The following FAT1 variants were observed in gnomAD, a reference collection of about 807,000 sequenced individuals.
FAT1 encodes protocadherin Fat 1.
Under a neutral mutation model 329.8 loss-of-function variants are expected in FAT1, and 171 were observed. The observed-to-expected ratio is 0.52, with a 90% confidence interval of 0.46 to 0.59. The LOEUF (loss-of-function observed/expected upper bound fraction) is 0.59. FAT1 is among the 20% of genes least tolerant of loss of function. The pLI is 0.00. For missense variants in FAT1, 5,672 were observed against 5,774.4 expected (o/e 0.98, Z 0.57); for synonymous variants, 2,233 against 2,228.6 (o/e 1.00, Z -0.06).
rs2126516000 is a variant in FAT1 at position 186,620,473 on chromosome 4, G to A, written c.6113C>T (p.Pro2038Leu). 3 of 1,613,950 alleles carry A rather than the reference G, an allele frequency of 1.9e-6. No homozygotes were observed. Among genetic ancestry groups the A allele is most frequent in the Non-Finnish European group, 2.5e-6 (3 of 1,179,892 alleles). Residue 2038 changes from proline to leucine, a missense_variant, in exon 10 of 27, where the codon CCC becomes CTC. Pro to Leu is a moderately conservative substitution (Grantham distance 98). Coordinates refer to ENST00000441802, the MANE Select transcript of FAT1 (RefSeq NM_005245.4). Reference sequence around the variant, plus strand: ...CGCCTCCTGCTGCTCACGATCGAAGGGCGTGCCAGTGGTTGACAGAACTCC... The same window carrying A: ...CGCCTCCTGCTGCTCACGATCGAAGAGCGTGCCAGTGGTTGACAGAACTCC... Reference protein sequence around the residue: ...TSGVLSTTGTPFDREQQEAFD... With the variant: ...TSGVLSTTGTLFDREQQEAFD...
intron 16 of FAT1, among the ~76,000 whole-genome samples, chr4:186,608,527 G>A (rs1037868048): frequency 1.3e-5 from 2 of 152,032 alleles, no homozygotes; most frequent in Non-Finnish European, 2.9e-5. Context: ...ACTATCGGAG[G>A]AGGCCACCAC....
intron 1 of FAT1, among the ~76,000 whole-genome samples, chr4:186,713,561 A>C (rs1745066673): frequency 6.6e-6 from 1 of 152,166 alleles, no homozygotes; most frequent in Non-Finnish European, 1.5e-5. Flanking sequence ...AAGTCACTGC[A>C]TGTAGCCCAT....
At chr4:186,673,661 C>T (rs911857866) in intron 2 of FAT1, among the ~76,000 whole-genome samples, 1 of 152,232 alleles carries the variant, frequency 6.6e-6, no homozygotes, top group African/African-American at 2.4e-5. Flanking sequence ...GCTGCAATAA[C>T]TTCAAAATTA....
At position 186,601,318 on chromosome 4, in the gene FAT1, G is replaced by C. The variant is rs749669933; in HGVS notation, c.11591C>G (p.Thr3864Arg). 1 of 1,611,782 alleles carries C rather than the reference G, an allele frequency of 6.2e-7. No individual in the cohort carries two copies. Among genetic ancestry groups the C allele is most frequent in the South Asian group, 1.1e-5 (1 of 90,916 alleles). Reference sequence around the variant, plus strand: ...TCGAGCATACATGACAACCGCATGCGTGGAATATGTTCTGAGCCTCATGGT... The same window carrying C: ...TCGAGCATACATGACAACCGCATGCCTGGAATATGTTCTGAGCCTCATGGT... The part of the protein sequence containing the change: ...KLTMRLRTYS[T>R]HAVVMYARGT... The change falls in exon 21 of 27, where the codon ACG (threonine) becomes AGG (arginine). Residue 3864 changes from threonine (T) to arginine (R), a missense_variant. Thr to Arg is a moderately conservative substitution (Grantham distance 71). Around this residue, in one of 2 missense-constraint regions of FAT1, gnomAD observed 1,706 missense variants for 1,859.1 expected, o/e 0.92. Transcript: ENST00000441802.
At chr4:186,607,862 T>C (rs2126453425) in intron 16 of FAT1, among the ~76,000 whole-genome samples, 1 of 152,206 alleles carries the variant, frequency 6.6e-6, no homozygotes, top group South Asian at 2.1e-4. Flanking sequence ...TTCATATTTA[T>C]CTCAATCCCT....
rs1204709588 is a variant in FAT1, at chr4:186,619,375, G to C, written c.7211C>G (p.Pro2404Arg). Reference sequence around the variant, plus strand: ...TACACAGGTCACGAAATGCCCATGAGGGGCGTGCTCGCTAATTCTGGCTTC... The same window carrying C: ...TACACAGGTCACGAAATGCCCATGACGGGCGTGCTCGCTAATTCTGGCTTC... The part of the protein sequence containing the change: ...IYEARISEHA[P>R]HGHFVTCVKA... The change falls in exon 10 of 27, where the codon CCT becomes CGT. Residue 2404 changes from proline (P) to arginine (R), a missense_variant. By Grantham distance (103) the Pro-to-Arg change is moderately radical. This residue lies in a region of FAT1 where 3,966 missense variants were observed against 3,915.2 expected (regional missense o/e 1.01). Transcript: ENST00000441802. 6.2e-7 allele frequency: 1 copy of C among 1,614,012 alleles called. No individual in the cohort carries two copies. Among genetic ancestry groups the C allele is most frequent in the Non-Finnish European group, 8.5e-7 (1 of 1,179,898 alleles).
intron 2 of FAT1, among the ~76,000 whole-genome samples, chr4:186,704,457 T>C (rs1744477127): frequency 6.6e-6 from 1 of 152,132 alleles, no homozygotes; most frequent in Non-Finnish European, 1.5e-5. Flanking sequence ...ATACTCTTCT[T>C]CACTTGAAAG....
rs2126525476 is a variant in FAT1 at position 186,621,460 on chromosome 4, G to A, written c.5126C>T (p.Ala1709Val). 6.2e-7 allele frequency: 1 copy of A among 1,614,012 alleles called. No homozygotes were observed. The highest frequency in any genetic ancestry group is 8.5e-7 in the Non-Finnish European group (1 of 1,179,882). The change falls in exon 10 of 27, where the codon GCT becomes GTT. Residue 1709 changes from alanine to valine, a missense_variant. Physicochemically the swap from Ala to Val is moderately conservative, Grantham distance 64 (BLOSUM62 0). Transcript: ENST00000441802. ...YEIKDGNTGD[A>V]FDINPHSGTI... ...TCCAGAATGTGGATTAATATCAAAA[G>A]CATCACCTGTATTTCCATCTTTTAT... is the stretch of plus-strand genomic sequence containing the variant.
intron 2 of FAT1, among the ~76,000 whole-genome samples, chr4:186,677,491 G>GTT (rs200804199): frequency 4.0e-4 from 58 of 146,558 alleles, no homozygotes; most frequent in African/African-American, 8.7e-4. Context: ...TAAATTCAGG[G>GTT]TTTTTTTTTT....
At chr4:186,714,012 G>T (rs942444830) in intron 1 of FAT1, among the ~76,000 whole-genome samples, 1 of 152,022 alleles carries the variant, frequency 6.6e-6, no homozygotes, top group Non-Finnish European at 1.5e-5. Context: ...CTCAAGATCC[G>T]TCTGGACTCA....
chr4:186,611,827 C>CT (rs753961493), intron 13 of FAT1, 52 bp from the exon 14 acceptor site: 131,097 of 1,112,978 alleles, frequency 0.12, 44 homozygotes, highest in Non-Finnish European at 0.12. Context: ...AAGTTTAACA[C>CT]TTTTTTTTTT....
chr4:186,631,856 C>T (rs1168492588), intron 7 of FAT1, among the ~76,000 whole-genome samples: 2 of 151,970 alleles, frequency 1.3e-5, no homozygotes, highest in Non-Finnish European at 2.9e-5. Flanking sequence ...GATTCCTGTG[C>T]TCTTCTCCAG....
chr4:186,591,605 G>C, intron 26 of FAT1, among the ~76,000 whole-genome samples: 1 of 152,304 alleles, frequency 6.6e-6, no homozygotes, highest in South Asian at 2.1e-4. Flanking sequence ...TTGAAATTCT[G>C]CTTCTATAAG....
chr4:186,594,191 C>G (rs62350414), intron 26 of FAT1, among the ~76,000 whole-genome samples: 37,110 of 151,804 alleles, frequency 0.24, 4,976 homozygotes, highest in South Asian at 0.47. Flanking sequence ...TCAGCCTCCC[C>G]AGTAGCTGGG....
Position 186,589,022 on chromosome 4 carries a change from T to C in FAT1, c.13337A>G (p.Asp4446Gly), listed in dbSNP as rs1442824243. 3 of 1,613,874 alleles carry C rather than the reference T, an allele frequency of 1.9e-6. No homozygotes were observed. The highest frequency in any genetic ancestry group is 2.2e-5 in the East Asian group (1 of 44,862). Reference sequence around the variant, plus strand: ...TTCGGGCGGTAACGGTGGTAGCTCATCAGCTGCGGGGAAGTCTTCTGGGGG... The same window carrying C: ...TTCGGGCGGTAACGGTGGTAGCTCACCAGCTGCGGGGAAGTCTTCTGGGGG... Reference protein sequence around the residue: ...PPPPEDFPAADELPPLPPEFS... With the variant: ...PPPPEDFPAAGELPPLPPEFS... The change falls in exon 27 of 27, where the codon GAT becomes GGT. Residue 4446 changes from aspartate (D) to glycine (G), a missense_variant. This residue lies in a region of FAT1 where 1,706 missense variants were observed against 1,859.1 expected (regional missense o/e 0.92). Transcript: ENST00000441802.
At chr4:186,679,104 G>T (rs1224530035) in intron 2 of FAT1, among the ~76,000 whole-genome samples, 1 of 152,144 alleles carries the variant, frequency 6.6e-6, no homozygotes, top group East Asian at 1.9e-4. Context: ...GGCTGGGCTG[G>T]GCACGGTGGC....
chr4:186,590,301 C>T, intron 26 of FAT1: 1 of 1,044,792 alleles, frequency 9.6e-7, no homozygotes, highest in Non-Finnish European at 1.3e-6. Context: ...AGTCAGTCAG[C>T]ACTGGGGCAA....
rs373168406 is a variant in FAT1, at chr4:186,621,303, G to A, written c.5283C>T (p.Asn1761=). 4.3e-5 allele frequency: 69 copies of A among 1,613,976 alleles called. No individual in the cohort carries two copies. In the East Asian group the frequency reaches 6.7e-4, roughly 16 times the overall value. ...VLVHLQDEND[N]APVFMQAEYT... is the part of the protein sequence containing the mutation. ...ATTCTGCCTGCATAAAAACTGGCGC[G>A]TTGTCATTCTCATCCTGCAAGTGAA... Residue 1761 remains asparagine, a synonymous_variant, in exon 10 of 27, where the codon AAC becomes AAT. Transcript: ENST00000441802.
At position 186,588,863 on chromosome 4, in the gene FAT1, G is replaced by A. The variant is rs749489170; in HGVS notation, c.13496C>T (p.Ser4499Phe). The change falls in exon 27 of 27, where the codon TCT becomes TTT. Residue 4499 changes from serine to phenylalanine, a missense_variant. This residue lies in a region of FAT1 where 1,706 missense variants were observed against 1,859.1 expected (regional missense o/e 0.92). Transcript: ENST00000441802. Reference sequence around the variant, plus strand: ...ACCAGTGCCTTTTGTTTGAGGTTCAGACATATCGAGGGGATAAAAATTGGG... The same window carrying A: ...ACCAGTGCCTTTTGTTTGAGGTTCAAACATATCGAGGGGATAAAAATTGGG... ...YLPNFYPLDMSEPQTKGTGEN... is the reference protein window; with the variant it reads ...YLPNFYPLDMFEPQTKGTGEN... 4 of 1,614,014 alleles carry A rather than the reference G, an allele frequency of 2.5e-6. No homozygotes were observed. Among genetic ancestry groups the A allele is most frequent in the Non-Finnish European group, 2.5e-6 (3 of 1,179,896 alleles).
Sources: gnomAD v4.1 joint callset for allele counts (sites outside exome capture counted in the v4.1 genomes callset) on GRCh38, gnomAD v4.1.1 for gene constraint, gnomAD v4.1.1 regional missense constraint, MANE v1.5 for transcripts, NCBI Gene and HGNC (gene_info 2026-07-23, HGNC 2026-07-21) for gene names.